The following BSPRY variants were observed in gnomAD, a reference collection of about 807,000 sequenced individuals.
The protein encoded by BSPRY is B box and SPRY domain-containing protein.
Under a neutral mutation model 38.0 loss-of-function variants are expected in BSPRY, and 33 were observed. That is an observed-to-expected ratio of 0.87 (90% CI 0.66 to 1.16). BSPRY has a LOEUF of 1.16. Among genes scored for constraint, BSPRY ranks in the 50% most tolerant of loss-of-function variants. The probability of loss-of-function intolerance (pLI) is 0.00; values close to 1 mark genes in which losing one functional copy is unlikely to be tolerated. For missense variants in BSPRY, 523 were observed against 533.2 expected (o/e 0.98, Z 0.19); for synonymous variants, 224 against 228.5 (o/e 0.98, Z 0.18).
In BSPRY at chr9:113,368,210, T is replaced by C. The variant is rs1471604966; in HGVS notation, c.558-49T>C. On this transcript the variant is annotated intron_variant, in intron 4 of 5. Coordinates refer to ENST00000374183, the MANE Select transcript of BSPRY (RefSeq NM_017688.3). ...TCTTCACCCCATATTGATCCAGATA[T>C]ATTTCCAGAACCATCCTGAATCTCT... 3 of 1,604,138 alleles carry C rather than the reference T, an allele frequency of 1.9e-6. No homozygotes were observed. In the Admixed American group the frequency reaches 5.0e-5, roughly 27 times the overall value.
chr9:113,349,823 C>T, intron 1 of BSPRY, 43 bp downstream of exon 1: 1 of 1,212,234 alleles, frequency 8.2e-7, no homozygotes, highest in Non-Finnish European at 1.0e-6. Flanking sequence ...TCCGGAGACC[C>T]CGGGCGCGCC....
chr9:113,353,725 A>T (rs1834010206), intron 1 of BSPRY, among the ~76,000 whole-genome samples: 1 of 152,102 alleles, frequency 6.6e-6, no homozygotes, highest in Admixed American at 6.6e-5. Context: ...AATAAAAAAA[A>T]ATAAAAATAA....
At chr9:113,361,746 C>T (rs1834156594) in intron 3 of BSPRY, among the ~76,000 whole-genome samples, 1 of 152,212 alleles carries the variant, frequency 6.6e-6, no homozygotes, top group African/African-American at 2.4e-5. Context: ...ACACAGAGCT[C>T]ATCCTTAATC....
At chr9:113,363,745 G>A (rs540192843) in intron 4 of BSPRY, among the ~76,000 whole-genome samples, 1 of 151,766 alleles carries the variant, frequency 6.6e-6, no homozygotes, top group East Asian at 1.9e-4. Context: ...AGGTGTGGTG[G>A]TGTGTGCCTG....
chr9:113,365,306 C>G (rs988708560), intron 4 of BSPRY, among the ~76,000 whole-genome samples: 1 of 152,174 alleles, frequency 6.6e-6, no homozygotes, highest in Non-Finnish European at 1.5e-5. Context: ...TCACTCCTGC[C>G]TGAATTATTC....
intron 5 of BSPRY, among the ~76,000 whole-genome samples, chr9:113,368,873 A>C (rs1463403861): frequency 6.6e-6 from 1 of 152,154 alleles, no homozygotes. Flanking sequence ...GCCTCCAGGA[A>C]TTCCCATTTA....
At position 113,349,688 on chromosome 9, in the gene BSPRY, C is replaced by A. The variant is rs1248229683; in HGVS notation, c.109C>A (p.Arg37=). ...TCTGAGCTGGTTCTGCGGCTCCGAG[C>A]GACGGCCCGTGTGCGCCGCCTGCGC... is the stretch of plus-strand genomic sequence containing the variant. ...QALSWFCGSE[R]RPVCAACAGL... is the part of the protein sequence containing the mutation. Residue 37 remains arginine (R), a synonymous_variant, in exon 1 of 6, where the codon CGA becomes AGA. Transcript: ENST00000374183. 8 of 1,238,942 alleles carry A rather than the reference C, an allele frequency of 6.5e-6. No individual in the cohort carries two copies. The highest frequency in any genetic ancestry group is 8.2e-5 in the Admixed American group (2 of 24,358). The allele number at this position is 1,238,942 out of a possible 1,614,324, so 76.7% of individuals were successfully genotyped here.
intron 1 of BSPRY, 111 bp downstream of exon 1, chr9:113,349,891 C>T: frequency 1.7e-6 from 2 of 1,179,386 alleles, no homozygotes; most frequent in Non-Finnish European, 2.1e-6. Context: ...ACACCCGGCC[C>T]CGGAGCCTAG....
At position 113,371,178 on chromosome 9, in the gene BSPRY, G is replaced by A. The variant is rs1313133385; in HGVS notation, c.*1036G>A. 6.6e-6 allele frequency: 1 copy of A among 152,226 alleles called. No individual in the cohort carries two copies. The highest frequency in any genetic ancestry group is 1.5e-5 in the Non-Finnish European group (1 of 68,064). The allele number at this position is 152,226 out of a possible 1,614,324, so 9.4% of individuals were successfully genotyped here. A position where few individuals can be genotyped will look rare whatever the true frequency, so the allele number is the denominator to read the frequency against. The stretch of plus-strand genomic sequence containing the variant: ...CAGAAAGAGCTGAGGGAGTTAAGAG[G>A]GCCAACCTTAGGGCACGTGGGCATT... On this transcript the variant is annotated 3_prime_UTR_variant, in exon 6 of 6. Transcript: ENST00000374183.
chr9:113,354,333 G>A lies in BSPRY; in HGVS notation c.295G>A (p.Ala99Thr). 1.9e-6 allele frequency: 3 copies of A among 1,613,732 alleles called. No individual in the cohort carries two copies. Among genetic ancestry groups the A allele is most frequent in the Non-Finnish European group, 2.5e-6 (3 of 1,179,606 alleles). Residue 99 changes from alanine to threonine, a missense_variant, in exon 2 of 6, where the codon GCA becomes ACA. Transcript: ENST00000374183. ...CGTCCTGCCGGGGAAGAATCAAAGA[G>A]CAGTGGTAATTCCTCTTCTTTCCTC... is the stretch of plus-strand genomic sequence containing the variant. ...ADVLPGKNQR[A>T]VSMASAAREL...
chr9:113,349,588 C>G lies in BSPRY; in HGVS notation c.9C>G (p.Ala3=). MS[A]EGAEPGPGSG... ...GGGGCGGGCGCACGGCCATGTCCGC[C>G]GAGGGCGCGGAGCCGGGGCCGGGGT... is the stretch of plus-strand genomic sequence containing the variant. The change falls in exon 1 of 6, where the codon GCC becomes GCG. Residue 3 remains alanine (A), a synonymous_variant. Transcript: ENST00000374183. 8.5e-7 allele frequency: 1 copy of G among 1,173,106 alleles called. No individual in the cohort carries two copies. Among genetic ancestry groups the G allele is most frequent in the Non-Finnish European group, 1.1e-6 (1 of 951,018 alleles). The allele number at this position is 1,173,106 out of a possible 1,614,324, so 72.7% of individuals were successfully genotyped here. A position where few individuals can be genotyped will look rare whatever the true frequency, so the allele number is the denominator to read the frequency against.
At chr9:113,358,361 C>T (rs1834098361) in intron 2 of BSPRY, among the ~76,000 whole-genome samples, 1 of 151,964 alleles carries the variant, frequency 6.6e-6, no homozygotes. Flanking sequence ...CTCCACCTCC[C>T]AGCTTCAAGC....
In BSPRY at chr9:113,349,760, G is replaced by T; in HGVS notation, c.181G>T (p.Glu61Ter). 8.1e-7 allele frequency: 1 copy of T among 1,235,486 alleles called. No homozygotes were observed. The highest frequency in any genetic ancestry group is 3.4e-5 in the South Asian group (1 of 29,136). 76.5% of individuals were successfully genotyped at this position (1,235,486 alleles called of 1,614,324 possible). ...CRGHRIRRAEERAEELRNKIV... is the reference protein window; with the variant it reads ...CRGHRIRRAE ...GGGGCACCGCATCCGCCGGGCGGAG[G>T]AGCGCGCCGAGGAGCTGCGGGTGAG... The change falls in exon 1 of 6, where the codon GAG (glutamate) becomes TAG (stop). Residue 61 changes from glutamate (E) to a stop codon, truncating the protein, a stop_gained. Coordinates refer to ENST00000374183, the MANE Select transcript of BSPRY (RefSeq NM_017688.3). LOFTEE classifies it high-confidence loss of function.
At position 113,369,698 on chromosome 9, in the gene BSPRY, CA is replaced by C; in HGVS notation, c.766del (p.Thr256ProfsTer35). ...SDDRKTLTFS[T>X]KKSKACADGP... The stretch of plus-strand genomic sequence containing the variant: ...ATGATCGAAAGACCCTGACCTTCAG[CA>C]CCAAGAAGTCAAAGGCCTGTGCAGA... On this transcript the variant is annotated frameshift_variant, in exon 6 of 6. Transcript: ENST00000374183. LOFTEE classifies it high-confidence loss of function. 6.2e-7 allele frequency: 1 copy of C among 1,614,238 alleles called. No homozygotes were observed.
chr9:113,370,265 G>A lies in BSPRY; in HGVS notation c.*123G>A. 1 of 1,209,158 alleles carries A rather than the reference G, an allele frequency of 8.3e-7. No homozygotes were observed. Among genetic ancestry groups the A allele is most frequent in the South Asian group, 1.6e-5 (1 of 62,636 alleles). 74.9% of individuals were successfully genotyped at this position (1,209,158 alleles called of 1,614,324 possible). On this transcript the variant is annotated 3_prime_UTR_variant, in exon 6 of 6. Transcript: ENST00000374183. The surrounding 1 kb of genome is among the most constrained non-coding windows in gnomAD (Gnocchi z 4.8). ...AGAGAAACAGGGCCCATAACCAGTG[G>A]GCAGCTTTAGGAGGGATGGGGATCT... is the stretch of plus-strand genomic sequence containing the variant.
At chr9:113,356,262 T>G (rs1229890229) in intron 2 of BSPRY, among the ~76,000 whole-genome samples, 4 of 152,126 alleles carry the variant, frequency 2.6e-5, no homozygotes, top group Non-Finnish European at 5.9e-5. Flanking sequence ...CCCAGCACTT[T>G]AGGAGGCTGA....
intron 2 of BSPRY, among the ~76,000 whole-genome samples, chr9:113,358,169 G>A (rs924236648): frequency 2.3e-4 from 35 of 150,996 alleles, no homozygotes; most frequent in Admixed American, 2.2e-3. Flanking sequence ...GATCACTTGA[G>A]CCTAGGAGTT....
intron 2 of BSPRY, among the ~76,000 whole-genome samples, chr9:113,355,037 A>T (rs1346707010): frequency 6.6e-6 from 1 of 152,122 alleles, no homozygotes; most frequent in Non-Finnish European, 1.5e-5. Context: ...GTAAATTTTT[A>T]GTAGAGACGG....
chr9:113,369,865 G>T lies in BSPRY; in HGVS notation c.932G>T (p.Gly311Val), dbSNP rs1305079532. Residue 311 changes from glycine to valine, a missense_variant, in exon 6 of 6, where the codon GGT becomes GTT. Physicochemically the swap from Gly to Val is moderately radical, Grantham distance 109 (BLOSUM62 -3). Coordinates refer to ENST00000374183, the MANE Select transcript of BSPRY (RefSeq NM_017688.3). Reference protein sequence around the residue: ...GVASGHLPRKGSGSDCRLGHN... With the variant: ...GVASGHLPRKVSGSDCRLGHN... ...GCTTCAGGCCACCTGCCCCGCAAGG[G>T]TTCTGGCAGTGACTGCCGTCTGGGC... The T allele has an allele frequency of 1.2e-6, 2 of 1,614,246 alleles. No individual in the cohort carries two copies. Among genetic ancestry groups the T allele is most frequent in the African/African-American group, 1.3e-5 (1 of 75,074 alleles).
Sources: allele counts gnomAD v4.1 joint callset (sites outside exome capture counted in the v4.1 genomes callset), GRCh38; gene constraint gnomAD v4.1.1; non-coding constraint Gnocchi (gnomAD v3.1); transcripts MANE v1.5; gene names NCBI Gene and HGNC (gene_info 2026-07-23, HGNC 2026-07-21).